Variants in RUNDC3B observed in about 807,000 individuals in gnomAD.
RUNDC3B encodes the protein RUN domain-containing protein 3B.
RUNDC3B carries 33 observed loss-of-function variants against 58.4 expected under a neutral mutation model. The ratio of observed to expected loss-of-function variants is 0.56; its 90% confidence interval spans 0.43 to 0.75. The LOEUF is 0.75. RUNDC3B is among the 30% of genes least tolerant of loss of function. The pLI, the probability that RUNDC3B is intolerant of heterozygous loss-of-function variation, is 0.00. For synonymous variants in RUNDC3B, 193 were observed against 195.2 expected (o/e 0.99, Z 0.10); for missense variants, 501 against 535.7 (o/e 0.94, Z 0.64).
At chr7:87,675,444 T>C (rs77911876) in intron 2 of RUNDC3B, among the ~76,000 whole-genome samples, 3 of 152,260 alleles carry the variant, frequency 2.0e-5, no homozygotes, top group African/African-American at 2.4e-5. Context: ...GCTTCCTGAC[T>C]TCAAACTATG....
chr7:87,771,324 A>G (rs1834269266), intron 7 of RUNDC3B, among the ~76,000 whole-genome samples: 1 of 152,008 alleles, frequency 6.6e-6, no homozygotes, highest in Non-Finnish European at 1.5e-5. Flanking sequence ...AAAATTAAAA[A>G]TGCAGTGGGG....
chr7:87,631,583 C>T (rs1292426181), intron 1 of RUNDC3B, among the ~76,000 whole-genome samples: 1 of 152,092 alleles, frequency 6.6e-6, no homozygotes, highest in Non-Finnish European at 1.5e-5. Flanking sequence ...TTAGTAGAGA[C>T]GGGGTTTCAC....
At chr7:87,776,081 A>T (rs1418734274) in intron 7 of RUNDC3B, among the ~76,000 whole-genome samples, 1 of 152,192 alleles carries the variant, frequency 6.6e-6, no homozygotes, top group African/African-American at 2.4e-5. Flanking sequence ...ATATAATATC[A>T]AGTGGGAATG....
chr7:87,663,431 T>G (rs2130465891), intron 2 of RUNDC3B, among the ~76,000 whole-genome samples: 1 of 152,272 alleles, frequency 6.6e-6, no homozygotes, highest in South Asian at 2.1e-4. Context: ...AAGCTTTCCC[T>G]ACAGTTGGCT....
chr7:87,810,576 T>C (rs1437995690), intron 9 of RUNDC3B, among the ~76,000 whole-genome samples: 2 of 152,236 alleles, frequency 1.3e-5, no homozygotes, highest in East Asian at 1.9e-4. Flanking sequence ...TTTGATTTAA[T>C]GAATTTCTTA....
At chr7:87,812,050 T>C (rs1454213849) in intron 9 of RUNDC3B, among the ~76,000 whole-genome samples, 1 of 152,210 alleles carries the variant, frequency 6.6e-6, no homozygotes, top group Non-Finnish European at 1.5e-5. Flanking sequence ...CTGGATAAAT[T>C]ATTATTAACC....
intron 4 of RUNDC3B, chr7:87,713,289 T>C (rs1830255837): frequency 6.6e-6 from 1 of 152,072 alleles, no homozygotes; most frequent in Non-Finnish European, 1.5e-5. Context: ...AGGTAAAGAG[T>C]AATGATAGCC....
At chr7:87,760,086 A>G (rs1412509681) in intron 6 of RUNDC3B, among the ~76,000 whole-genome samples, 1 of 149,338 alleles carries the variant, frequency 6.7e-6, no homozygotes. Context: ...TTTTTTCTTA[A>G]TGGGTGTTTT....
chr7:87,693,060 A>G (rs1828158421), intron 2 of RUNDC3B, among the ~76,000 whole-genome samples: 2 of 152,114 alleles, frequency 1.3e-5, no homozygotes, highest in African/African-American at 2.4e-5. Flanking sequence ...AAGGTGTGGG[A>G]CCATGTACTA....
At chr7:87,784,506 A>T (rs577015339) in intron 8 of RUNDC3B, among the ~76,000 whole-genome samples, 2 of 151,842 alleles carry the variant, frequency 1.3e-5, no homozygotes, top group South Asian at 4.2e-4. Flanking sequence ...GGGGTTCCTT[A>T]GTTTGGGCTA....
At chr7:87,629,780 G>T (rs1821013339) in intron 1 of RUNDC3B, among the ~76,000 whole-genome samples, 1 of 151,928 alleles carries the variant, frequency 6.6e-6, no homozygotes, top group Admixed American at 6.6e-5. Context: ...CAAAAAATTA[G>T]CCGGGCGTGG....
At chr7:87,703,885 C>CTTTTTTTTTTTTTTTTTTTT in intron 3 of RUNDC3B, among the ~76,000 whole-genome samples, 33 of 60,262 alleles carry the variant, frequency 5.5e-4, no homozygotes, top group East Asian at 1.0e-3. Context: ...TCAGTTTTTT[C>CTTTTTTTTTTTTTTTTTTTT]TTTTTTTTTT....
intron 3 of RUNDC3B, among the ~76,000 whole-genome samples, chr7:87,704,965 T>C (rs1829457512): frequency 1.3e-5 from 2 of 152,208 alleles, no homozygotes; most frequent in Admixed American, 1.3e-4. Context: ...CCTTGACACA[T>C]GTGAAAAGAT....
intron 6 of RUNDC3B, among the ~76,000 whole-genome samples, chr7:87,768,679 A>C (rs1834107262): frequency 6.6e-6 from 1 of 152,104 alleles, no homozygotes; most frequent in Admixed American, 6.5e-5. Context: ...GCCCCTACCT[A>C]CCCTTTCTAT....
At chr7:87,740,912 A>T (rs1048025134) in intron 5 of RUNDC3B, among the ~76,000 whole-genome samples, 8 of 151,820 alleles carry the variant, frequency 5.3e-5, no homozygotes, top group Non-Finnish European at 1.0e-4. Flanking sequence ...TTATTGTTTT[A>T]AAAAAAACAA....
intron 6 of RUNDC3B, among the ~76,000 whole-genome samples, chr7:87,743,579 A>G (rs1832472552): frequency 6.6e-6 from 1 of 151,874 alleles, no homozygotes; most frequent in Non-Finnish European, 1.5e-5. Flanking sequence ...GATGTTGCGC[A>G]TTTTCATATG....
intron 10 of RUNDC3B, among the ~76,000 whole-genome samples, chr7:87,818,505 T>G (rs1289440886): frequency 6.6e-6 from 1 of 152,152 alleles, no homozygotes; most frequent in Non-Finnish European, 1.5e-5. Flanking sequence ...CTGAGGAATT[T>G]TGGACAGTTG....
chr7:87,667,229 G>A (rs925830956), intron 2 of RUNDC3B, among the ~76,000 whole-genome samples: 3 of 151,878 alleles, frequency 2.0e-5, no homozygotes, highest in African/African-American at 7.2e-5. Flanking sequence ...TTGCTATGAA[G>A]TTTATTCTTT....
At chr7:87,801,921 G>A (rs1836184115) in intron 8 of RUNDC3B, among the ~76,000 whole-genome samples, 1 of 152,120 alleles carries the variant, frequency 6.6e-6, no homozygotes, top group African/African-American at 2.4e-5. Flanking sequence ...GTTTTTGAAA[G>A]AGACAGTAAA....
Sources: gnomAD v4.1 joint callset for allele counts (sites outside exome capture counted in the v4.1 genomes callset) on GRCh38, gnomAD v4.1.1 for gene constraint, MANE v1.5 for transcripts, NCBI Gene and HGNC (gene_info 2026-07-23, HGNC 2026-07-21) for gene names.